Variants in PTPN14 observed in about 807,000 individuals in gnomAD.
PTPN14 encodes the protein tyrosine-protein phosphatase non-receptor type 14.
A neutral mutation model predicts 126.8 loss-of-function variants in PTPN14; 53 were observed. That is an observed-to-expected ratio of 0.42 (90% CI 0.34 to 0.53). The LOEUF (loss-of-function observed/expected upper bound fraction) is 0.53. Among genes scored for constraint, PTPN14 ranks in the 20% least tolerant of loss-of-function variants. The pLI is 0.08. For synonymous variants in PTPN14, 630 were observed against 599.3 expected, an observed-to-expected ratio of 1.05 and a Z score of -0.75; for missense variants, 1,257 against 1,552.9, an observed-to-expected ratio of 0.81 and a Z score of 3.20.
chr1:214,460,596 AAC>A (rs201138584), intron 2 of PTPN14, among the ~76,000 whole-genome samples: 9,124 of 146,796 alleles, frequency 0.062, 930 homozygotes, highest in African/African-American at 0.22. Context: ...TGAAAATTCT[AAC>A]ACACACACAC....
intron 10 of PTPN14, among the ~76,000 whole-genome samples, chr1:214,393,178 G>A (rs1443159272): frequency 6.6e-6 from 1 of 152,038 alleles, no homozygotes; most frequent in African/African-American, 2.4e-5. Context: ...TGACACCTAT[G>A]AGTGTCTTCC....
At chr1:214,373,544 G>T (rs1658268036) in intron 15 of PTPN14, among the ~76,000 whole-genome samples, 1 of 140,678 alleles carries the variant, frequency 7.1e-6, no homozygotes. Context: ...CTCTTTTCTA[G>T]TCGATTTCAT....
intron 1 of PTPN14, among the ~76,000 whole-genome samples, chr1:214,515,509 T>C (rs1232369352): frequency 6.6e-6 from 1 of 152,130 alleles, no homozygotes; most frequent in Admixed American, 6.5e-5. Context: ...AATAAGCCAG[T>C]AGGGTTTTAG....
chr1:214,433,416 GA>G (rs1374739035), intron 3 of PTPN14, among the ~76,000 whole-genome samples: 1 of 151,936 alleles, frequency 6.6e-6, no homozygotes, highest in Non-Finnish European at 1.5e-5. Flanking sequence ...GACAGTGAAA[GA>G]ATCTTAGAGC....
intron 5 of PTPN14, among the ~76,000 whole-genome samples, chr1:214,404,309 C>T (rs374424923): frequency 8.9e-4 from 136 of 152,310 alleles, no homozygotes; most frequent in African/African-American, 3.2e-3. Flanking sequence ...ATTATGGCAG[C>T]TCTTACTTTT....
intron 3 of PTPN14, among the ~76,000 whole-genome samples, chr1:214,447,538 C>A (rs943303505): frequency 6.6e-6 from 1 of 150,734 alleles, no homozygotes. Flanking sequence ...TTCCTTTATT[C>A]TTTTCTTCCT....
rs1659313517 is a variant in PTPN14, at chr1:214,411,714, A to G, written c.480T>C (p.Asp160=). The change falls in exon 5 of 19, where the codon GAT becomes GAC. Residue 160 remains aspartate (D), a synonymous_variant. Coordinates refer to ENST00000366956, the MANE Select transcript of PTPN14 (RefSeq NM_005401.5). ...FGDYNQFDSQ[D]FLREYVLFPM... ...GAAATAGCACATACTCTCTGAGGAA[A>G]TCTTGAGAATCAAACTGATTATAGT... 2 of 1,513,950 alleles carry G rather than the reference A, an allele frequency of 1.3e-6. No homozygotes were observed. Among genetic ancestry groups the G allele is most frequent in the Admixed American group, 3.5e-5 (2 of 56,770 alleles). 93.8% of individuals were successfully genotyped at this position (1,513,950 alleles called of 1,614,324 possible). A position where few individuals can be genotyped will look rare whatever the true frequency, so the allele number is the denominator to read the frequency against.
chr1:214,394,778 C>T, intron 9 of PTPN14, 121 bp downstream of exon 9: 2 of 864,768 alleles, frequency 2.3e-6, no homozygotes, highest in South Asian at 2.9e-5. Flanking sequence ...TATTAGAAAG[C>T]ATCTCTTCAA....
chr1:214,420,032 C>G (rs1206747209), intron 3 of PTPN14, among the ~76,000 whole-genome samples: 2 of 152,198 alleles, frequency 1.3e-5, no homozygotes, highest in East Asian at 3.9e-4. Flanking sequence ...GACCCATGCA[C>G]TATCTAAAAG....
chr1:214,497,715 C>T (rs923652050), intron 1 of PTPN14, among the ~76,000 whole-genome samples: 1 of 152,142 alleles, frequency 6.6e-6, no homozygotes, highest in Non-Finnish European at 1.5e-5. Flanking sequence ...AAAGCAAATG[C>T]AGCATTATGC....
chr1:214,449,257 C>T (rs77498507), intron 3 of PTPN14, among the ~76,000 whole-genome samples: 24 of 151,892 alleles, frequency 1.6e-4, no homozygotes, highest in African/African-American at 4.4e-4. Flanking sequence ...CCGCCCGCCT[C>T]GGCCTCCCAA....
At chr1:214,410,787 G>T (rs1036069381) in intron 5 of PTPN14, among the ~76,000 whole-genome samples, 1 of 152,074 alleles carries the variant, frequency 6.6e-6, no homozygotes, top group Admixed American at 6.6e-5. Flanking sequence ...ACTTCTGGGT[G>T]TTCTATTCTT....
At chr1:214,521,096 A>G (rs1236084340) in intron 1 of PTPN14, among the ~76,000 whole-genome samples, 1 of 152,130 alleles carries the variant, frequency 6.6e-6, no homozygotes, top group East Asian at 1.9e-4. Context: ...GAGAAATAAC[A>G]GTTTTTTTAA....
In PTPN14 at chr1:214,537,034, G is replaced by A. The variant is rs535060365; in HGVS notation, c.-155+14149C>T. ...TGTACTTGCTATGAAATATACCCACGTCTCTCAGTTACAAAAGAATCTGGT... is the reference window on the plus strand; with the variant it reads ...TGTACTTGCTATGAAATATACCCACATCTCTCAGTTACAAAAGAATCTGGT... On this transcript the variant is annotated intron_variant, in intron 1 of 18. Transcript: ENST00000366956. 3.3e-5 allele frequency among the ~76,000 whole-genome samples: 5 copies of A among 152,166 alleles called. No individual in the cohort carries two copies. The East Asian group carries it at 7.7e-4, about 24-fold the overall frequency.
intron 3 of PTPN14, among the ~76,000 whole-genome samples, chr1:214,436,161 C>T (rs1014041350): frequency 5.3e-5 from 8 of 152,120 alleles, no homozygotes; most frequent in African/African-American, 1.4e-4. Flanking sequence ...CCAAATACCG[C>T]ATGTTCTCAC....
At chr1:214,501,248 CT>C (rs1209947104) in intron 1 of PTPN14, among the ~76,000 whole-genome samples, 4 of 151,300 alleles carry the variant, frequency 2.6e-5, no homozygotes, top group South Asian at 2.1e-4. Context: ...AGTAAGTATT[CT>C]TTTTTTTTGG....
rs1553274995 is a variant in PTPN14, at chr1:214,520,065, A to AATATATATATATATATATATAT, written c.-155+31117_-155+31118insATATATATATATATATATATAT. On this transcript the variant is annotated intron_variant, in intron 1 of 18. Transcript: ENST00000366956. ...CCTGTCTCAAAAAAAAAAAAAAAAA[A>AATATATATATATATATATATAT]ATATATATATATATATATGCAGAAT... Among the ~76,000 whole-genome samples, 15 of 71,072 alleles carry AATATATATATATATATATATAT rather than the reference A, an allele frequency of 2.1e-4. No individual in the cohort carries two copies. In the East Asian group the frequency reaches 2.4e-3, roughly 11 times the overall value. The allele number at this position is 71,072 out of a possible 152,430, so 46.6% of individuals were successfully genotyped here. A position where few individuals can be genotyped will look rare whatever the true frequency, so the allele number is the denominator to read the frequency against.
intron 18 of PTPN14, among the ~76,000 whole-genome samples, chr1:214,360,812 G>A (rs571323450): frequency 6.6e-6 from 1 of 152,320 alleles, no homozygotes; most frequent in Admixed American, 6.5e-5. Flanking sequence ...TTGGCTCTGT[G>A]TCTCCACCCA....
chr1:214,395,321 C>A (rs1658852437), intron 8 of PTPN14, among the ~76,000 whole-genome samples: 1 of 152,074 alleles, frequency 6.6e-6, no homozygotes, highest in African/African-American at 2.4e-5. Flanking sequence ...ATGACCACCA[C>A]TTTTTAATGA....
Sources: gnomAD v4.1 joint callset for allele counts (sites outside exome capture counted in the v4.1 genomes callset) on GRCh38, gnomAD v4.1.1 for gene constraint, MANE v1.5 for transcripts, NCBI Gene and HGNC (gene_info 2026-07-23, HGNC 2026-07-21) for gene names.